Variants in SLC44A1 observed in about 807,000 individuals in gnomAD.
SLC44A1 encodes choline transporter-like protein 1.
SLC44A1 carries 26 observed loss-of-function variants against 79.3 expected under a neutral mutation model. The ratio of observed to expected loss-of-function variants is 0.33; its 90% CI spans 0.24 to 0.46. The LOEUF is 0.46. SLC44A1 is among the 20% of genes least tolerant of loss of function. The pLI is 1.00. For synonymous variants in SLC44A1, 263 were observed against 286.2 expected (o/e 0.92, Z 0.82); for missense variants, 688 against 798.1 (o/e 0.86, Z 1.66).
intron 5 of SLC44A1, among the ~76,000 whole-genome samples, chr9:105,351,596 GAGAA>G (rs1554797146): frequency 7.0e-5 from 8 of 113,530 alleles, no homozygotes; most frequent in African/African-American, 3.1e-4. Context: ...AAGAGAGAAA[GAGAA>G]AGAAAGAAAG....
At chr9:105,417,551 T>C (rs1829187498) in intron 15 of SLC44A1, among the ~76,000 whole-genome samples, 1 of 152,198 alleles carries the variant, frequency 6.6e-6, no homozygotes, top group Admixed American at 6.5e-5. Context: ...TCTCTTTCTT[T>C]ACCTGGCAAA....
chr9:105,342,126 C>T (rs745567857), intron 4 of SLC44A1, among the ~76,000 whole-genome samples: 20 of 152,174 alleles, frequency 1.3e-4, no homozygotes, highest in Admixed American at 7.2e-4. Flanking sequence ...ATAACACATA[C>T]GGTAGTTCTC....
chr9:105,269,472 C>T (rs1830032228), intron 1 of SLC44A1, among the ~76,000 whole-genome samples: 1 of 152,088 alleles, frequency 6.6e-6, no homozygotes, highest in East Asian at 1.9e-4. Flanking sequence ...TCAGGTATAT[C>T]ATGTATTTCC....
chr9:105,339,607 A>C (rs536887128), intron 4 of SLC44A1, among the ~76,000 whole-genome samples: 1 of 152,322 alleles, frequency 6.6e-6, no homozygotes, highest in African/African-American at 2.4e-5. Flanking sequence ...AGGCAGGAAG[A>C]TCACTTGAGT....
At chr9:105,282,908 A>C (rs895478570) in intron 1 of SLC44A1, among the ~76,000 whole-genome samples, 2 of 152,290 alleles carry the variant, frequency 1.3e-5, no homozygotes, top group African/African-American at 4.8e-5. Context: ...TTGTGACGAT[A>C]TATCATCTTC....
chr9:105,363,726 A>G (rs1827854977), intron 9 of SLC44A1, among the ~76,000 whole-genome samples: 1 of 152,174 alleles, frequency 6.6e-6, no homozygotes, highest in East Asian at 1.9e-4. Flanking sequence ...CGGCCTCCCA[A>G]AGTGCTGGGA....
chr9:105,298,920 T>C (rs1034857417), intron 1 of SLC44A1, among the ~76,000 whole-genome samples: 4 of 151,996 alleles, frequency 2.6e-5, no homozygotes, highest in African/African-American at 9.7e-5. Flanking sequence ...GGACACAGCA[T>C]AACAAATAAG....
intron 1 of SLC44A1, among the ~76,000 whole-genome samples, chr9:105,274,334 G>C (rs1163784604): frequency 6.6e-6 from 1 of 152,198 alleles, no homozygotes; most frequent in Non-Finnish European, 1.5e-5. Context: ...CACTGAACAA[G>C]AATTGTACTC....
At chr9:105,411,317 C>T (rs1829091091) in intron 15 of SLC44A1, among the ~76,000 whole-genome samples, 1 of 151,738 alleles carries the variant, frequency 6.6e-6, no homozygotes, top group South Asian at 2.1e-4. Flanking sequence ...TGCTTTTTCT[C>T]CTCATTTCCA....
chr9:105,364,539 C>G lies in SLC44A1; in HGVS notation c.1088-16C>G. The G allele has an allele frequency of 1.3e-6, 2 of 1,590,010 alleles. No homozygotes were observed. Among genetic ancestry groups the G allele is most frequent in the Non-Finnish European group, 1.7e-6 (2 of 1,170,742 alleles). ...ACTTTATGTGCTTCTTCTTTCCTTC[C>G]TTGATATTTTCCTAGGCAGTCCTGT... On this transcript the variant is annotated splice_polypyrimidine_tract_variant and intron_variant, in intron 9 of 15. Transcript: ENST00000374720.
chr9:105,415,896 A>ATTTTT (rs10592448), intron 15 of SLC44A1, among the ~76,000 whole-genome samples: 4 of 117,946 alleles, frequency 3.4e-5, no homozygotes, highest in African/African-American at 6.6e-5. Flanking sequence ...GATTGACTGA[A>ATTTTT]TTTTTTTTTT....
At chr9:105,374,478 A>G in intron 12 of SLC44A1, 120 bp from the exon 13 acceptor site, 1 of 854,036 alleles carries the variant, frequency 1.2e-6, no homozygotes, top group South Asian at 1.7e-5. Context: ...TACCTCATTA[A>G]AGGGTGCCAT....
intron 3 of SLC44A1, among the ~76,000 whole-genome samples, chr9:105,327,305 C>T (rs1224124951): frequency 6.6e-6 from 1 of 151,908 alleles, no homozygotes; most frequent in African/African-American, 2.4e-5. Flanking sequence ...TTTTTTGAGA[C>T]TGAGTCTCAC....
intron 2 of SLC44A1, among the ~76,000 whole-genome samples, 168 bp downstream of exon 2, chr9:105,299,477 G>T (rs1323525129): frequency 6.6e-6 from 1 of 152,210 alleles, no homozygotes; most frequent in Admixed American, 6.5e-5. Flanking sequence ...CTCAAATTAA[G>T]GAGCAGCTGG....
rs562202376 is a variant in SLC44A1, at chr9:105,323,379, C to T, written c.270-12184C>T. 5.3e-5 allele frequency among the ~76,000 whole-genome samples: 8 copies of T among 152,084 alleles called. No homozygotes were observed. In the South Asian group the frequency reaches 1.2e-3, roughly 24 times the overall value. ...TCATGCAACTGGGGATGTATCTGTA[C>T]GAGTAGATCCAGTAGGCAGATAATC... On this transcript the variant is annotated intron_variant, in intron 3 of 15. Transcript: ENST00000374720.
At position 105,246,886 on chromosome 9, in the gene SLC44A1, G is replaced by A. The variant is rs185075785; in HGVS notation, c.36+1982G>A. 2.2e-4 allele frequency among the ~76,000 whole-genome samples: 33 copies of A among 152,252 alleles called. No individual in the cohort carries two copies. In the East Asian group the frequency reaches 6.2e-3, roughly 28 times the overall value. On this transcript the variant is annotated intron_variant, in intron 1 of 15. Transcript: ENST00000374720. Reference sequence around the variant, plus strand: ...TACTTTTCAGAATGCTATCGTATACGTTTTCTTTTCTTTTACCTCCTCTCA... The same window carrying A: ...TACTTTTCAGAATGCTATCGTATACATTTTCTTTTCTTTTACCTCCTCTCA...
intron 1 of SLC44A1, among the ~76,000 whole-genome samples, chr9:105,271,558 C>T (rs1053221663): frequency 6.6e-6 from 1 of 152,148 alleles, no homozygotes; most frequent in Non-Finnish European, 1.5e-5. Context: ...TTTGGGATGG[C>T]TGGAGTGTGT....
intron 1 of SLC44A1, among the ~76,000 whole-genome samples, chr9:105,252,683 C>T (rs914329957): frequency 8.5e-5 from 13 of 152,192 alleles, no homozygotes; most frequent in Admixed American, 2.0e-4. Flanking sequence ...TTATGGCAAG[C>T]GTTGTAAAGA....
rs890106944 is a variant in SLC44A1, at chr9:105,351,673, A to AGAAAGAAAGAAAGAAC, written c.500+3225_500+3226insAGAAAGAAAGAACGAA. Among the ~76,000 whole-genome samples the AGAAAGAAAGAAAGAAC allele has an allele frequency of 3.4e-3, 500 of 146,604 alleles. 8 individuals are homozygous for AGAAAGAAAGAAAGAAC. The highest frequency in any genetic ancestry group is 3.9e-3 in the Admixed American group (59 of 14,962). On this transcript the variant is annotated intron_variant, in intron 5 of 15. Transcript: ENST00000374720. Reference sequence around the variant, plus strand: ...AAGAAAGAAAGAAAGAAAGAAAGAAAGAACCAAGAAAAAAATGTTATCTGT... The same window carrying AGAAAGAAAGAAAGAAC: ...AAGAAAGAAAGAAAGAAAGAAAGAAAGAAAGAAAGAAAGAACGAACCAAGAAAAAAATGTTATCTGT...
Sources: gnomAD v4.1 joint callset for allele counts (sites outside exome capture counted in the v4.1 genomes callset) on GRCh38, gnomAD v4.1.1 for gene constraint, MANE v1.5 for transcripts, NCBI Gene and HGNC (gene_info 2026-07-23, HGNC 2026-07-21) for gene names.